Variants in CAVIN2 observed in about 807,000 individuals in gnomAD.
The protein encoded by CAVIN2 is caveolae associated protein 2, also known as caveolae-associated protein 2.
A neutral mutation model predicts 11.7 loss-of-function variants in CAVIN2; 13 were observed. The ratio of observed to expected loss-of-function variants is 1.11; its 90% CI spans 0.72 to 1.77. The LOEUF is 1.77. Ranked by LOEUF, CAVIN2 falls within the 40% of genes most tolerant of loss-of-function variation. The pLI is 0.00. For synonymous variants in CAVIN2, 237 were observed against 223.2 expected, an observed-to-expected ratio of 1.06 and a Z score of -0.55; for missense variants, 549 against 542.9, an observed-to-expected ratio of 1.01 and a Z score of -0.11.
At position 191,836,012 on chromosome 2, in the gene CAVIN2, C is replaced by T. The variant is rs779893207; in HGVS notation, c.1189G>A (p.Gly397Ser). The T allele has an allele frequency of 1.9e-6, 3 of 1,614,088 alleles. No homozygotes were observed. The highest frequency in any genetic ancestry group is 2.2e-5 in the East Asian group (1 of 44,886). ...TCCTCGGATGTTAGCGCGTAGCTACCCTCATAGCGTACCTTCTGTGCCTGT... is the reference window on the plus strand; with the variant it reads ...TCCTCGGATGTTAGCGCGTAGCTACTCTCATAGCGTACCTTCTGTGCCTGT... Reference protein sequence around the residue: ...LEQAQKVRYEGSYALTSEEAE... With the variant: ...LEQAQKVRYESSYALTSEEAE... The change falls in exon 2 of 2, where the codon GGT (glycine) becomes AGT (serine). Residue 397 changes from glycine (G) to serine (S), a missense_variant. Coordinates refer to ENST00000304141, the MANE Select transcript of CAVIN2 (RefSeq NM_004657.6).
At chr2:191,843,564 G>T (rs560071677) in intron 1 of CAVIN2, among the ~76,000 whole-genome samples, 2 of 152,278 alleles carry the variant, frequency 1.3e-5, no homozygotes, top group African/African-American at 4.8e-5. Context: ...AGGGTTCGTT[G>T]AGTAGGTCTT....
chr2:191,836,036 G>T lies in CAVIN2; in HGVS notation c.1165C>A (p.Gln389Lys). Residue 389 changes from glutamine (Q) to lysine (K), a missense_variant, in exon 2 of 2, where the codon CAG becomes AAG. Transcript: ENST00000304141. ...DEEEESVALE[Q>K]AQKVRYEGSY... ...CCCTCATAGCGTACCTTCTGTGCCT[G>T]TTCCAGGGCCACTGACTCCTCCTCT... The T allele has an allele frequency of 6.2e-7, 1 of 1,614,212 alleles. No homozygotes were observed. The highest frequency in any genetic ancestry group is 1.6e-4 in the Middle Eastern group (1 of 6,062).
rs1689993724 is a variant in CAVIN2, at chr2:191,835,150, T to C, written c.*773A>G. On this transcript the variant is annotated 3_prime_UTR_variant, in exon 2 of 2. Transcript: ENST00000304141. ...GGATATACGAACTTCTTTAGTATTT[T>C]TATTTAAAGAGTGAAATAGTTAAGC... is the stretch of plus-strand genomic sequence containing the variant. 1 of 152,170 alleles carries C rather than the reference T, an allele frequency of 6.6e-6. No homozygotes were observed. Among genetic ancestry groups the C allele is most frequent in the East Asian group, 1.9e-4 (1 of 5,204 alleles). 9.4% of individuals were successfully genotyped at this position (152,170 alleles called of 1,614,324 possible). A position where few individuals can be genotyped will look rare whatever the true frequency, so the allele number is the denominator to read the frequency against.
intron 1 of CAVIN2, 59 bp downstream of exon 1, chr2:191,846,384 G>A: frequency 6.6e-7 from 1 of 1,515,884 alleles, no homozygotes; most frequent in East Asian, 2.4e-5. Context: ...CAGGATGAGC[G>A]AGATCAAGAA....
chr2:191,844,517 A>T (rs956997994), intron 1 of CAVIN2, among the ~76,000 whole-genome samples: 8 of 152,162 alleles, frequency 5.3e-5, no homozygotes, highest in African/African-American at 1.9e-4. Context: ...TGTTTTCTAA[A>T]GGGCCCAGAA....
At chr2:191,837,822 G>A (rs1690043957) in intron 1 of CAVIN2, among the ~76,000 whole-genome samples, 1 of 152,228 alleles carries the variant, frequency 6.6e-6, no homozygotes, top group Non-Finnish European at 1.5e-5. Flanking sequence ...GAAAGAAATG[G>A]CACAGTAGTG....
At chr2:191,845,385 C>CATAGACATGAGAGCA (rs1690150583) in intron 1 of CAVIN2, among the ~76,000 whole-genome samples, 1 of 152,204 alleles carries the variant, frequency 6.6e-6, no homozygotes, top group Non-Finnish European at 1.5e-5. Context: ...TGAAGGCTTT[C>CATAGACATGAGAGCA]CCTGTGTGCC....
At chr2:191,839,493 G>T (rs4853646) in intron 1 of CAVIN2, among the ~76,000 whole-genome samples, 24,284 of 152,142 alleles carry the variant, frequency 0.16, 2,113 homozygotes, top group East Asian at 0.29. Context: ...TTATTATAAG[G>T]TGAATCATAT....
Position 191,846,502 on chromosome 2 carries a change from G to A in CAVIN2, c.424C>T (p.Leu142=), listed in dbSNP as rs1432893797. The change falls in exon 1 of 2, where the codon CTG becomes TTG. Residue 142 remains leucine, a synonymous_variant. Coordinates refer to ENST00000304141, the MANE Select transcript of CAVIN2 (RefSeq NM_004657.6). ...MDRQCAQVKR[L]ENNHAQLLRR... ...AGGAGCTGGGCGTGGTTGTTCTCCA[G>A]CCGCTTCACCTGTGCGCACTGCCTA... 6.2e-7 allele frequency: 1 copy of A among 1,614,208 alleles called. No individual in the cohort carries two copies. Among genetic ancestry groups the A allele is most frequent in the East Asian group, 2.2e-5 (1 of 44,890 alleles).
rs374664652 is a variant in CAVIN2 at position 191,836,003 on chromosome 2, C to A, written c.1198G>T (p.Ala400Ser). Residue 400 changes from alanine (A) to serine (S), a missense_variant, in exon 2 of 2, where the codon GCG becomes TCG. By Grantham distance (99) the Ala-to-Ser change is moderately conservative. Coordinates refer to ENST00000304141, the MANE Select transcript of CAVIN2 (RefSeq NM_004657.6). ...CGCTCCGCCTCCTCGGATGTTAGCGCGTAGCTACCCTCATAGCGTACCTTC... is the reference window on the plus strand; with the variant it reads ...CGCTCCGCCTCCTCGGATGTTAGCGAGTAGCTACCCTCATAGCGTACCTTC... The part of the protein sequence containing the change: ...AQKVRYEGSY[A>S]LTSEEAERSD... 4 of 1,614,100 alleles carry A rather than the reference C, an allele frequency of 2.5e-6. No individual in the cohort carries two copies. The highest frequency in any genetic ancestry group is 1.7e-5 in the Admixed American group (1 of 60,014).
intron 1 of CAVIN2, among the ~76,000 whole-genome samples, chr2:191,837,342 G>A (rs544094556): frequency 6.6e-6 from 1 of 152,236 alleles, no homozygotes; most frequent in South Asian, 2.1e-4. Flanking sequence ...AGGCTTCCTG[G>A]GGGTGCACTC....
Position 191,835,922 on chromosome 2 carries a change from C to T in CAVIN2, c.*1G>A, listed in dbSNP as rs1690006180. The T allele has an allele frequency of 6.2e-7, 1 of 1,609,144 alleles. No individual in the cohort carries two copies. The highest frequency in any genetic ancestry group is 8.5e-7 in the Non-Finnish European group (1 of 1,178,756). ...CACAGGATGGCACGGTGGCTCTAAG[C>T]TCAGGAGGTCTGGTGCACCTGGAGC... On this transcript the variant is annotated 3_prime_UTR_variant, in exon 2 of 2. Transcript: ENST00000304141.
In CAVIN2 at chr2:191,836,214, T is replaced by C. The variant is rs1177825690; in HGVS notation, c.987A>G (p.Glu329=). ...AATGACCCTCTGCAAAGGACTCCTC[T>C]TCCTGGTCATTTGGCATCTGCTCAC... ...PSSEQMPNDQ[E]EESFAEGHSE... The change falls in exon 2 of 2, where the codon GAA becomes GAG. Residue 329 remains glutamate, a synonymous_variant. Coordinates refer to ENST00000304141, the MANE Select transcript of CAVIN2 (RefSeq NM_004657.6). 3.7e-6 allele frequency: 6 copies of C among 1,613,970 alleles called. No homozygotes were observed. The highest frequency in any genetic ancestry group is 1.6e-4 in the Middle Eastern group (1 of 6,084).
rs1690016912 is a variant in CAVIN2, at chr2:191,836,288, C to T, written c.913G>A (p.Gly305Arg). The change falls in exon 2 of 2, where the codon GGA becomes AGA. Residue 305 changes from glycine (G) to arginine (R), a missense_variant. Coordinates refer to ENST00000304141, the MANE Select transcript of CAVIN2 (RefSeq NM_004657.6). The part of the protein sequence containing the change: ...LTFGRKKVRE[G>R]ESHAENETKS... ...GTCTCATTTTCTGCATGGCTTTCTC[C>T]CTCTCGGACTTTCTTCCGCCCGAAA... 1 of 1,614,128 alleles carries T rather than the reference C, an allele frequency of 6.2e-7. No individual in the cohort carries two copies. Among genetic ancestry groups the T allele is most frequent in the Admixed American group, 1.7e-5 (1 of 60,022 alleles).
intron 1 of CAVIN2, among the ~76,000 whole-genome samples, chr2:191,838,333 A>G (rs1017548484): frequency 9.9e-5 from 15 of 152,200 alleles, no homozygotes; most frequent in African/African-American, 3.6e-4. Context: ...CTTGTTAACA[A>G]CTGAATGGTA....
chr2:191,842,773 T>C lies in CAVIN2; in HGVS notation c.483+3670A>G, dbSNP rs145234306. 3.6e-3 allele frequency among the ~76,000 whole-genome samples: 548 copies of C among 152,328 alleles called. 5 individuals are homozygous for C. Among genetic ancestry groups the C allele is most frequent in the African/African-American group, 0.012 (512 of 41,572 alleles). Reference sequence around the variant, plus strand: ...CACTACTGGTTATAATTTAAAGTAATTGCTAAGAAATTAGATGCTTAACAG... The same window carrying C: ...CACTACTGGTTATAATTTAAAGTAACTGCTAAGAAATTAGATGCTTAACAG... On this transcript the variant is annotated intron_variant, in intron 1 of 1. Transcript: ENST00000304141.
Position 191,836,145 on chromosome 2 carries a change from T to C in CAVIN2, c.1056A>G (p.Ala352=), listed in dbSNP as rs61735650. The change falls in exon 2 of 2, where the codon GCA becomes GCG. Residue 352 remains alanine (A), a synonymous_variant. Coordinates refer to ENST00000304141, the MANE Select transcript of CAVIN2 (RefSeq NM_004657.6). ...LASALVEGEI[A]EEAAEKATSR... is the part of the protein sequence containing the mutation. ...AGGTCGCCTTCTCAGCAGCCTCCTC[T>C]GCAATTTCCCCTTCCACCAGAGCGC... 586 of 1,614,220 alleles carry C rather than the reference T, an allele frequency of 3.6e-4. 2 individuals carry two copies. The African/African-American group carries it at 7.1e-3, about 19-fold the overall frequency.
Position 191,846,977 on chromosome 2 carries a change from G to A in CAVIN2, c.-52C>T. The A allele has an allele frequency of 6.5e-7, 1 of 1,543,730 alleles. No homozygotes were observed. The highest frequency in any genetic ancestry group is 1.3e-5 in the South Asian group (1 of 78,698). On this transcript the variant is annotated 5_prime_UTR_variant, in exon 1 of 2. Coordinates refer to ENST00000304141, the MANE Select transcript of CAVIN2 (RefSeq NM_004657.6). Reference sequence around the variant, plus strand: ...TCTCTGGGAGCTGCTTCTTGCTCGGGTGAGAAGTTGCGGTGGTGAGGGTGT... The same window carrying A: ...TCTCTGGGAGCTGCTTCTTGCTCGGATGAGAAGTTGCGGTGGTGAGGGTGT...
chr2:191,847,085 G>C lies in CAVIN2; in HGVS notation c.-160C>G, dbSNP rs139716490. ...CAGACAGGCAACAACTGGCTACGCT[G>C]ATCAGGGGAACTGCATTCCAGCTGC... On this transcript the variant is annotated 5_prime_UTR_variant, in exon 1 of 2. In the 5' UTR this introduces an upstream ATG that the reference lacks. Transcript: ENST00000304141. 149 of 869,960 alleles carry C rather than the reference G, an allele frequency of 1.7e-4. No homozygotes were observed. Among genetic ancestry groups the C allele is most frequent in the Non-Finnish European group, 2.1e-4 (121 of 581,064 alleles). The allele number at this position is 869,960 out of a possible 1,614,324, so 53.9% of individuals were successfully genotyped here.
Sources: gnomAD v4.1 joint callset for allele counts (sites outside exome capture counted in the v4.1 genomes callset) on GRCh38, gnomAD v4.1.1 for gene constraint, MANE v1.5 for transcripts, NCBI Gene and HGNC (gene_info 2026-07-23, HGNC 2026-07-21) for gene names.